MINDY4B: variants seen among roughly 807,000 people sequenced by gnomAD.
The protein encoded by MINDY4B is inactive ubiquitin carboxyl-terminal hydrolase MINDY-4B.
A neutral mutation model predicts 16.7 loss-of-function variants in MINDY4B; 25 were observed. That is an observed-to-expected ratio of 1.49 (90% CI 1.09 to 2.09). The LOEUF is 2.09. Among genes scored for constraint, MINDY4B ranks in the 30% most tolerant of loss-of-function variants. The pLI is 0.00. For missense variants in MINDY4B, 327 were observed against 168.4 expected (o/e 1.94, Z -5.21); for synonymous variants, 132 against 61.9 (o/e 2.13, Z -5.32).
intron 10 of MINDY4B, among the ~76,000 whole-genome samples, chr3:150,875,674 C>T (rs914080364): frequency 6.6e-6 from 1 of 152,116 alleles, no homozygotes; most frequent in African/African-American, 2.4e-5. Flanking sequence ...AGTCAAAATG[C>T]AACCACCTTC....
intron 7 of MINDY4B, among the ~76,000 whole-genome samples, chr3:150,886,891 A>T (rs1711634675): frequency 6.6e-6 from 1 of 152,204 alleles, no homozygotes; most frequent in Non-Finnish European, 1.5e-5. Context: ...CCCTTCAATC[A>T]GTTAGGTAAC....
In MINDY4B at chr3:150,896,672, C is replaced by T. The variant is rs563924687; in HGVS notation, c.310-2367G>A. Among the ~76,000 whole-genome samples, 27 of 152,276 alleles carry T rather than the reference C, an allele frequency of 1.8e-4. No individual in the cohort carries two copies. In the East Asian group the frequency reaches 3.7e-3, roughly 21 times the overall value. The stretch of plus-strand genomic sequence containing the variant: ...CTTCTGGATCTAGCCACCTAGCAAG[C>T]CTACCAGGCTCCTGGCCAGTACTGA... On this transcript the variant is annotated intron_variant, in intron 3 of 11. Transcript: ENST00000465419.
intron 8 of MINDY4B, 59 bp downstream of exon 8, chr3:150,885,309 A>C (rs769800496): frequency 1.4e-6 from 1 of 691,568 alleles, no homozygotes; most frequent in Admixed American, 2.1e-5. Flanking sequence ...ACAAGAGTAC[A>C]TTGTTTATGT....
rs1393431527 is a variant in MINDY4B, at chr3:150,903,386, C to G, written c.172G>C (p.Glu58Gln). The change falls in exon 3 of 12, where the codon GAA becomes CAA. Residue 58 changes from glutamate (E) to glutamine (Q), a missense_variant. Coordinates refer to ENST00000465419, the MANE Select transcript of MINDY4B (RefSeq NM_001351281.2). ...GATAGTCCTGTTCCATCTTCATTTT[C>G]ATCAGCAGATGTATGGTTGCCTTCA... ...NHEGNHTSAD[E>Q]NEDGTGLSQP... 3 of 398,460 alleles carry G rather than the reference C, an allele frequency of 7.5e-6. No homozygotes were observed. The highest frequency in any genetic ancestry group is 6.2e-5 in the African/African-American group (3 of 48,634). 24.7% of individuals were successfully genotyped at this position (398,460 alleles called of 1,614,324 possible).
At chr3:150,882,668 C>A (rs1473840566) in intron 10 of MINDY4B, among the ~76,000 whole-genome samples, 2 of 151,296 alleles carry the variant, frequency 1.3e-5, no homozygotes, top group Non-Finnish European at 2.9e-5. Context: ...ACTTTTATTA[C>A]CTATTTTATA....
intron 3 of MINDY4B, 42 bp from the exon 4 acceptor site, chr3:150,894,347 T>G: frequency 1.5e-6 from 1 of 661,292 alleles, no homozygotes; most frequent in South Asian, 1.7e-5. Flanking sequence ...AAGAGAATTC[T>G]TCCTAGACAT....
At chr3:150,894,059 A>G (rs1031393983) in intron 4 of MINDY4B, 127 bp downstream of exon 4, 6 of 516,184 alleles carry the variant, frequency 1.2e-5, no homozygotes, top group African/African-American at 1.2e-4. Context: ...GTTAAACTTT[A>G]CATTATAAAT....
chr3:150,899,108 C>T (rs538440413), intron 3 of MINDY4B, among the ~76,000 whole-genome samples: 2 of 152,302 alleles, frequency 1.3e-5, no homozygotes, highest in South Asian at 4.1e-4. Flanking sequence ...TAGCATCTGG[C>T]ATAGTGCCTG....
Position 150,899,004 on chromosome 3 carries a change from A to C in MINDY4B, c.309+4245T>G, listed in dbSNP as rs186334679. Among the ~76,000 whole-genome samples the C allele has an allele frequency of 1.2e-4, 19 of 152,326 alleles. No individual in the cohort carries two copies. The East Asian group carries it at 3.7e-3, about 29-fold the overall frequency. Reference sequence around the variant, plus strand: ...TGAATTACTAGACCATCATGGAATCAGAGATTCCAAGATGTTCTAAGAAGA... The same window carrying C: ...TGAATTACTAGACCATCATGGAATCCGAGATTCCAAGATGTTCTAAGAAGA... On this transcript the variant is annotated intron_variant, in intron 3 of 11. Transcript: ENST00000465419.
chr3:150,885,087 T>C (rs7649448), intron 8 of MINDY4B, among the ~76,000 whole-genome samples: 8,297 of 152,278 alleles, frequency 0.054, 271 homozygotes, highest in African/African-American at 0.082. Flanking sequence ...ATGAAACTTG[T>C]ACAAACAAGC....
chr3:150,880,859 CCAAGTGACCA>C (rs1234585991), intron 10 of MINDY4B, among the ~76,000 whole-genome samples: 8 of 152,096 alleles, frequency 5.3e-5, no homozygotes, highest in Admixed American at 3.9e-4. Context: ...ACCACGGACA[CCAAGTGACCA>C]CACGTGGTTG....
chr3:150,894,487 G>C (rs116583723), intron 3 of MINDY4B, among the ~76,000 whole-genome samples, 182 bp from the exon 4 acceptor site: 1 of 152,128 alleles, frequency 6.6e-6, no homozygotes, highest in Admixed American at 6.5e-5. Flanking sequence ...TCTAGACAAC[G>C]TTTGTCCCTC....
intron 7 of MINDY4B, among the ~76,000 whole-genome samples, chr3:150,889,905 AC>A (rs1711721168): frequency 6.6e-6 from 1 of 152,220 alleles, no homozygotes; most frequent in Admixed American, 6.5e-5. Flanking sequence ...GTGAAACAGG[AC>A]CTTTTCAAGA....
intron 3 of MINDY4B, among the ~76,000 whole-genome samples, chr3:150,895,639 G>GT (rs1386404816): frequency 2.0e-5 from 3 of 151,998 alleles, no homozygotes; most frequent in Non-Finnish European, 4.4e-5. Context: ...TCATTTTTGT[G>GT]TTTTTAGTAG....
At position 150,885,526 on chromosome 3, in the gene MINDY4B, TGA is replaced by T. The variant is rs1303012212; in HGVS notation, c.754-90_754-89del. 9 of 675,358 alleles carry T rather than the reference TGA, an allele frequency of 1.3e-5. No homozygotes were observed. In the East Asian group the frequency reaches 2.4e-4, roughly 18 times the overall value. The allele number at this position is 675,358 out of a possible 1,614,324, so 41.8% of individuals were successfully genotyped here. A position where few individuals can be genotyped will look rare whatever the true frequency, so the allele number is the denominator to read the frequency against. ...GGTATGAATTCAAGGATTTACAGGC[TGA>T]GAGAATTTTTTCCCCCTGGCTGCTG... On this transcript the variant is annotated intron_variant, in intron 7 of 11. Transcript: ENST00000465419.
intron 3 of MINDY4B, among the ~76,000 whole-genome samples, chr3:150,898,597 G>A (rs988169588): frequency 1.3e-5 from 2 of 152,182 alleles, no homozygotes; most frequent in East Asian, 3.8e-4. Flanking sequence ...GTGCTGTCTA[G>A]TAACTAGAAA....
At chr3:150,892,252 A>T (rs1450671761) in intron 5 of MINDY4B, among the ~76,000 whole-genome samples, 2 of 152,190 alleles carry the variant, frequency 1.3e-5, no homozygotes, top group Non-Finnish European at 2.9e-5. Context: ...AGTGCAATCC[A>T]TGCACCCGAG....
chr3:150,873,118 T>A, intron 11 of MINDY4B, 69 bp downstream of exon 11: 1 of 638,986 alleles, frequency 1.6e-6, no homozygotes, highest in Non-Finnish European at 2.8e-6. Context: ...CACACAGTTG[T>A]TAAACATTGG....
intron 3 of MINDY4B, among the ~76,000 whole-genome samples, chr3:150,895,871 GCTT>G (rs1711947915): frequency 6.6e-6 from 1 of 152,138 alleles, no homozygotes; most frequent in South Asian, 2.1e-4. Flanking sequence ...AGGTGTTTGT[GCTT>G]CTTGTATTTT....
Sources: gnomAD v4.1 joint callset for allele counts (sites outside exome capture counted in the v4.1 genomes callset) on GRCh38, gnomAD v4.1.1 for gene constraint, MANE v1.5 for transcripts, NCBI Gene and HGNC (gene_info 2026-07-23, HGNC 2026-07-21) for gene names.